The following LMAN1 variants were observed in gnomAD, a reference collection of about 807,000 sequenced individuals.
LMAN1 encodes lectin, mannose binding 1, also known as protein ERGIC-53.
In LMAN1, 32 loss-of-function variants were observed where a neutral mutation model predicts 67.8. The ratio of observed to expected loss-of-function variants is 0.47; its 90% CI spans 0.36 to 0.63. The LOEUF is 0.63. Among genes scored for constraint, LMAN1 ranks in the 30% least tolerant of loss-of-function variants. LMAN1 has a pLI of 0.00. For synonymous variants in LMAN1, 235 were observed against 219.3 expected (o/e 1.07, Z -0.63); for missense variants, 632 against 628.2 (o/e 1.01, Z -0.06).
At chr18:59,358,663 T>C (rs937654727) in intron 1 of LMAN1, among the ~76,000 whole-genome samples, 4 of 151,958 alleles carry the variant, frequency 2.6e-5, no homozygotes, top group Non-Finnish European at 5.9e-5. Context: ...GTAGGGCACA[T>C]TTCTCCTAGA....
rs993576724 is a variant in LMAN1 at position 59,328,555 on chromosome 18, T to G, written c.*2538A>C. On this transcript the variant is annotated 3_prime_UTR_variant, in exon 13 of 13. Transcript: ENST00000251047. ...TTATCTTCTCAGCTCAGCTCTAAAT[T>G]AACAAAACACCTATTTTTTTTTTCC... 6.6e-6 allele frequency: 1 copy of G among 152,132 alleles called. No individual in the cohort carries two copies. The highest frequency in any genetic ancestry group is 1.5e-5 in the Non-Finnish European group (1 of 68,028). 9.4% of individuals were successfully genotyped at this position (152,132 alleles called of 1,614,324 possible).
At chr18:59,343,274 T>A (rs34175471) in intron 8 of LMAN1, among the ~76,000 whole-genome samples, 12,870 of 151,784 alleles carry the variant, frequency 0.085, 625 homozygotes, top group Middle Eastern at 0.14. Flanking sequence ...ACCAATGTCA[T>A]TTTTCACAGA....
intron 12 of LMAN1, 54 bp from the exon 13 acceptor site, chr18:59,331,183 A>C: frequency 2.1e-6 from 3 of 1,436,560 alleles, no homozygotes; most frequent in Non-Finnish European, 2.9e-6. Context: ...TTAACTTTGG[A>C]AAGAAACAGG....
chr18:59,349,374 T>C (rs1908492006), intron 5 of LMAN1, 138 bp from the exon 6 acceptor site: 1 of 789,098 alleles, frequency 1.3e-6, no homozygotes, highest in East Asian at 2.7e-5. Flanking sequence ...CTACTTGGTG[T>C]CAATATACAA....
At chr18:59,352,105 A>G (rs1430316760) in intron 5 of LMAN1, among the ~76,000 whole-genome samples, 3 of 152,210 alleles carry the variant, frequency 2.0e-5, no homozygotes, top group African/African-American at 7.2e-5. Flanking sequence ...AAAGTTTACA[A>G]TGCATAGTGA....
In LMAN1 at chr18:59,349,150, C is replaced by T. The variant is rs886300198; in HGVS notation, c.726G>A (p.Gly242=). 2.5e-6 allele frequency: 4 copies of T among 1,613,948 alleles called. No individual in the cohort carries two copies. Among genetic ancestry groups the T allele is most frequent in the African/African-American group, 1.3e-5 (1 of 74,926 alleles). ...KVENMIIPAQ[G]HFGISAATGG... ...CAGTTGCAGCAGATATTCCAAAATGCCCTTGTGCAGGGATAATCATATTTT... is the reference window on the plus strand; with the variant it reads ...CAGTTGCAGCAGATATTCCAAAATGTCCTTGTGCAGGGATAATCATATTTT... Residue 242 remains glycine (G), a synonymous_variant, in exon 6 of 13, where the codon GGG becomes GGA. Transcript: ENST00000251047.
Position 59,339,707 on chromosome 18 carries a change from G to C in LMAN1, c.956-754C>G, listed in dbSNP as rs1203518359. On this transcript the variant is annotated intron_variant, in intron 8 of 12. Transcript: ENST00000251047. ...TGCAGTCGCTGCAATGTTCCAAGGA[G>C]AGAAGGGGGGACACTGGTCACTCCC... is the stretch of plus-strand genomic sequence containing the variant. Among the ~76,000 whole-genome samples, 3 of 152,294 alleles carry C rather than the reference G, an allele frequency of 2.0e-5. No individual in the cohort carries two copies. In the East Asian group the frequency reaches 5.8e-4, roughly 29 times the overall value.
At chr18:59,348,401 T>A (rs1568116592) in intron 6 of LMAN1, among the ~76,000 whole-genome samples, 1 of 152,254 alleles carries the variant, frequency 6.6e-6, no homozygotes, top group Non-Finnish European at 1.5e-5. Context: ...GGCCGAGTCC[T>A]GCCTGGGGCT....
In LMAN1 at chr18:59,331,669, C is replaced by T. The variant is rs12959578; in HGVS notation, c.1375-130G>A. On this transcript the variant is annotated intron_variant, in intron 11 of 12. Coordinates refer to ENST00000251047, the MANE Select transcript of LMAN1 (RefSeq NM_005570.4). ...TTCATTTTTTCATCCCCCAGAAAACCTTCTATCCCCTTAACTTTTACTGAC... is the reference window on the plus strand; with the variant it reads ...TTCATTTTTTCATCCCCCAGAAAACTTTCTATCCCCTTAACTTTTACTGAC... 80,742 of 1,015,228 alleles carry T rather than the reference C, an allele frequency of 0.08. 3,377 individuals are homozygous for T. The highest frequency in any genetic ancestry group is 0.14 in the Middle Eastern group (575 of 4,258). 62.9% of individuals were successfully genotyped at this position (1,015,228 alleles called of 1,614,324 possible).
At chr18:59,342,247 A>G (rs928461677) in intron 8 of LMAN1, among the ~76,000 whole-genome samples, 1 of 151,946 alleles carries the variant, frequency 6.6e-6, no homozygotes. Context: ...TCTATCAAAC[A>G]TATCAAGAAG....
intron 4 of LMAN1, 121 bp downstream of exon 4, chr18:59,354,398 G>A (rs1208671312): frequency 7.4e-6 from 5 of 671,316 alleles, no homozygotes; most frequent in East Asian, 5.3e-5. Flanking sequence ...TACAAAATAT[G>A]TCTCAAGAAA....
chr18:59,351,033 T>C (rs1011757185), intron 5 of LMAN1, among the ~76,000 whole-genome samples: 3 of 152,204 alleles, frequency 2.0e-5, no homozygotes, highest in African/African-American at 7.2e-5. Context: ...CACTTATTGC[T>C]TTCAACCTCC....
chr18:59,331,262 A>T, intron 12 of LMAN1, 133 bp from the exon 13 acceptor site: 1 of 1,045,696 alleles, frequency 9.6e-7, no homozygotes, highest in Non-Finnish European at 1.5e-6. Flanking sequence ...TATATTCTAC[A>T]CGTGCACTTT....
intron 5 of LMAN1, among the ~76,000 whole-genome samples, chr18:59,352,504 CCTCACTG>C (rs1460021027): frequency 7.9e-5 from 12 of 152,210 alleles, no homozygotes; most frequent in African/African-American, 2.4e-4. Flanking sequence ...GCCCTTTCAA[CCTCACTG>C]CTCACTGATC....
chr18:59,339,679 G>T (rs1292828137), intron 8 of LMAN1, among the ~76,000 whole-genome samples: 1 of 152,194 alleles, frequency 6.6e-6, no homozygotes, highest in African/African-American at 2.4e-5. Context: ...CTACAGACAT[G>T]GCTGCAGTCG....
intron 5 of LMAN1, 83 bp from the exon 6 acceptor site, chr18:59,349,319 CA>C: frequency 8.1e-7 from 1 of 1,234,840 alleles, no homozygotes; most frequent in Non-Finnish European, 1.2e-6. Context: ...GACTACTATT[CA>C]GTTTTGTTTC....
At position 59,333,091 on chromosome 18, in the gene LMAN1, C is replaced by T; in HGVS notation, c.1374G>A (p.Met458Ile). ...RDIDNLVQRN[M>I]PSNEKPKCPE... ...TAAAAGGAAAAGGAAACAAAGTTAC[C>T]ATATTTCGCTGCACTAAGTTATCTA... Residue 458 changes from methionine to isoleucine, a missense_variant and splice_region_variant, in exon 11 of 13, where the codon ATG becomes ATA. Transcript: ENST00000251047. 6.2e-7 allele frequency: 1 copy of T among 1,611,470 alleles called. No homozygotes were observed. Among genetic ancestry groups the T allele is most frequent in the Non-Finnish European group, 8.5e-7 (1 of 1,177,894 alleles).
At chr18:59,345,290 T>C (rs1040634768) in intron 8 of LMAN1, among the ~76,000 whole-genome samples, 18 of 152,308 alleles carry the variant, frequency 1.2e-4, no homozygotes, top group African/African-American at 3.8e-4. Context: ...GCAGATAATA[T>C]AAATTCCCTC....
intron 7 of LMAN1, 43 bp downstream of exon 7, chr18:59,347,470 C>A: frequency 7.3e-7 from 1 of 1,365,454 alleles, no homozygotes; most frequent in Non-Finnish European, 1.0e-6. Flanking sequence ...AGCTAAAAGG[C>A]AAACTAAACT....
Sources: gnomAD v4.1 joint callset for allele counts (sites outside exome capture counted in the v4.1 genomes callset) on GRCh38, gnomAD v4.1.1 for gene constraint, MANE v1.5 for transcripts, NCBI Gene and HGNC (gene_info 2026-07-23, HGNC 2026-07-21) for gene names.